Variants in AKAP13 observed in about 807,000 individuals in gnomAD.
AKAP13 encodes A-kinase anchor protein 13.
Under a neutral mutation model 264.5 loss-of-function variants are expected in AKAP13, and 80 were observed. The ratio of observed to expected loss-of-function variants is 0.30; its 90% CI spans 0.25 to 0.36. The LOEUF is 0.36. Ranked by LOEUF, AKAP13 falls within the 10% of genes least tolerant of loss-of-function variation. The pLI is 1.00. For synonymous variants in AKAP13, 1,380 were observed against 1,250.2 expected, an observed-to-expected ratio of 1.10 and a Z score of -2.19; for missense variants, 3,712 against 3,435.2, an observed-to-expected ratio of 1.08 and a Z score of -2.01.
intron 34 of AKAP13, 55 bp from the exon 35 acceptor site, chr15:85,740,991 A>G: frequency 6.5e-7 from 1 of 1,547,200 alleles, no homozygotes; most frequent in South Asian, 1.2e-5. Context: ...AGGGATCCAG[A>G]AGCTCGCTGT....
At chr15:85,562,667 C>CT (rs1355892657) in intron 5 of AKAP13, among the ~76,000 whole-genome samples, 2 of 127,220 alleles carry the variant, frequency 1.6e-5, no homozygotes, top group African/African-American at 5.7e-5. Context: ...TCCCACTTTC[C>CT]TTTTCTTTCT....
chr15:85,619,018 A>T (rs1240318084), intron 8 of AKAP13, among the ~76,000 whole-genome samples: 2 of 152,066 alleles, frequency 1.3e-5, no homozygotes, highest in Non-Finnish European at 1.5e-5. Flanking sequence ...AATTTTCTGT[A>T]CCTCACGACA....
intron 1 of AKAP13, among the ~76,000 whole-genome samples, chr15:85,478,792 A>T (rs903880098): frequency 6.6e-6 from 1 of 151,736 alleles, no homozygotes; most frequent in East Asian, 1.9e-4. Context: ...AGTGGGGCAG[A>T]GCAGGGCTAA....
rs1345722609 is a variant in AKAP13, at chr15:85,655,439, G to C, written c.4397G>C (p.Cys1466Ser). The C allele has an allele frequency of 1.2e-6, 2 of 1,614,036 alleles. No individual in the cohort carries two copies. The highest frequency in any genetic ancestry group is 1.1e-5 in the South Asian group (1 of 91,078). ...FPKPEEEHLA[C>S]DITGSSSSTD... ...CAGCCAGAGGAAGAGCATTTGGCCT[G>C]TGATATCACCGGATCCAGTTCATCC... Residue 1466 changes from cysteine to serine, a missense_variant, in exon 11 of 37, where the codon TGT (cysteine) becomes TCT (serine). By Grantham distance (112) the Cys-to-Ser change is moderately radical (BLOSUM62 -1). Coordinates refer to ENST00000394518, the MANE Select transcript of AKAP13 (RefSeq NM_007200.5).
chr15:85,647,710 C>G (rs1035112365), intron 10 of AKAP13, among the ~76,000 whole-genome samples: 4 of 152,146 alleles, frequency 2.6e-5, no homozygotes, highest in African/African-American at 4.8e-5. Flanking sequence ...CTTTGGGAGG[C>G]TGAGGCGGGC....
chr15:85,580,534 A>G lies in AKAP13; in HGVS notation c.2466A>G (p.Thr822=), dbSNP rs763480539. 4 of 1,614,206 alleles carry G rather than the reference A, an allele frequency of 2.5e-6. No individual in the cohort carries two copies. In the South Asian group the frequency reaches 3.3e-5, roughly 13 times the overall value. The change falls in exon 7 of 37, where the codon ACA becomes ACG. Residue 822 remains threonine (T), a synonymous_variant. Coordinates refer to ENST00000394518, the MANE Select transcript of AKAP13 (RefSeq NM_007200.5). ...GTATPELHTA[T]DYRDGPDGNS... is the part of the protein sequence containing the mutation. The stretch of plus-strand genomic sequence containing the variant: ...CAACTCCTGAACTACATACAGCTAC[A>G]GATTATAGAGATGGCCCAGATGGAA...
intron 12 of AKAP13, among the ~76,000 whole-genome samples, chr15:85,663,078 G>A (rs1331439183): frequency 6.6e-6 from 1 of 152,118 alleles, no homozygotes; most frequent in Non-Finnish European, 1.5e-5. Flanking sequence ...GGGAGGCTGC[G>A]GTGGGCGGAT....
chr15:85,620,030 C>T, intron 8 of AKAP13: 3 of 1,533,556 alleles, frequency 2.0e-6, no homozygotes, highest in African/African-American at 2.7e-5. Flanking sequence ...TTGCACTGGT[C>T]CCCAAGTTAA....
chr15:85,570,452 A>G (rs2078778348), intron 5 of AKAP13, among the ~76,000 whole-genome samples: 1 of 152,214 alleles, frequency 6.6e-6, no homozygotes, highest in African/African-American at 2.4e-5. Flanking sequence ...ACTCTGTCTC[A>G]AAAAACAAAA....
intron 1 of AKAP13, among the ~76,000 whole-genome samples, chr15:85,465,530 T>A (rs62022110): frequency 0.31 from 36,547 of 116,586 alleles, 7,298 homozygotes; most frequent in Middle Eastern, 0.47. Flanking sequence ...GTCACCAGAG[T>A]GTGATGTTCC....
intron 17 of AKAP13, among the ~76,000 whole-genome samples, chr15:85,706,695 T>C (rs979427868): frequency 6.6e-6 from 1 of 152,168 alleles, no homozygotes; most frequent in African/African-American, 2.4e-5. Flanking sequence ...AGCATTTGAA[T>C]AGGATGCATG....
At chr15:85,598,717 C>G (rs1191279468) in intron 8 of AKAP13, among the ~76,000 whole-genome samples, 1 of 152,062 alleles carries the variant, frequency 6.6e-6, no homozygotes, top group Non-Finnish European at 1.5e-5. Flanking sequence ...AGAAATGAAC[C>G]AGGAGTTGAC....
At chr15:85,574,697 A>G (rs1472528146) in intron 5 of AKAP13, among the ~76,000 whole-genome samples, 3 of 152,160 alleles carry the variant, frequency 2.0e-5, no homozygotes, top group Non-Finnish European at 2.9e-5. Context: ...TAAGGGTTGG[A>G]GTGAGTGGTT....
At chr15:85,666,907 T>A (rs986630456) in intron 13 of AKAP13, among the ~76,000 whole-genome samples, 1 of 152,240 alleles carries the variant, frequency 6.6e-6, no homozygotes, top group African/African-American at 2.4e-5. Flanking sequence ...AGTTGAGAAT[T>A]CAAATTATTT....
intron 6 of AKAP13, among the ~76,000 whole-genome samples, chr15:85,578,682 A>T (rs1043650383): frequency 1.3e-5 from 2 of 152,194 alleles, no homozygotes; most frequent in African/African-American, 4.8e-5. Flanking sequence ...TAAGTTCAAA[A>T]TTTAGAAAAT....
At chr15:85,463,228 G>A (rs1053492099) in intron 1 of AKAP13, among the ~76,000 whole-genome samples, 1 of 152,010 alleles carries the variant, frequency 6.6e-6, no homozygotes, top group African/African-American at 2.4e-5. Context: ...GCATGTAATT[G>A]GAGTTCTAAA....
intron 1 of AKAP13, among the ~76,000 whole-genome samples, chr15:85,472,921 A>G (rs1844468725): frequency 1.3e-5 from 2 of 152,240 alleles, no homozygotes; most frequent in Non-Finnish European, 2.9e-5. Flanking sequence ...GACACTTTAA[A>G]TATTTAATAT....
intron 1 of AKAP13, among the ~76,000 whole-genome samples, chr15:85,433,200 A>T (rs1263552513): frequency 7.2e-6 from 1 of 138,984 alleles, no homozygotes; most frequent in Non-Finnish European, 1.5e-5. Context: ...CCATTTAACC[A>T]GTTCTCTGTT....
chr15:85,397,604 T>C (rs2150825420), intron 1 of AKAP13, among the ~76,000 whole-genome samples: 1 of 152,354 alleles, frequency 6.6e-6, no homozygotes, highest in South Asian at 2.1e-4. Context: ...TATTGGTAGC[T>C]ATTCATCTAA....
Sources: gnomAD v4.1 joint callset for allele counts (sites outside exome capture counted in the v4.1 genomes callset) on GRCh38, gnomAD v4.1.1 for gene constraint, MANE v1.5 for transcripts, NCBI Gene and HGNC (gene_info 2026-07-23, HGNC 2026-07-21) for gene names.